Variants in RPAIN observed in about 807,000 individuals in gnomAD.
The protein encoded by RPAIN is RPA-interacting protein.
In RPAIN, 29 loss-of-function variants were observed where a neutral mutation model predicts 30.5. That is an observed-to-expected ratio of 0.95 (90% CI 0.71 to 1.30). The LOEUF (loss-of-function observed/expected upper bound fraction) is 1.30, where lower values mean the gene tolerates loss of function less well. Ranked by LOEUF, RPAIN falls within the 50% of genes most tolerant of loss-of-function variation. The probability of loss-of-function intolerance (pLI) is 0.00; values close to 1 mark genes in which losing one functional copy is unlikely to be tolerated. For missense variants in RPAIN, 247 were observed against 264.7 expected (o/e 0.93, Z 0.46); for synonymous variants, 101 against 93.5 (o/e 1.08, Z -0.46).
intron 6 of RPAIN, chr17:5,429,099 A>G (rs1225682974): frequency 1.0e-6 from 1 of 985,312 alleles, no homozygotes; most frequent in African/African-American, 1.7e-5. Flanking sequence ...AGAAATACAC[A>G]TCTCTCACAG....
At chr17:5,420,630 A>G (rs2151655975) in intron 1 of RPAIN, among the ~76,000 whole-genome samples, 1 of 151,014 alleles carries the variant, frequency 6.6e-6, no homozygotes, top group South Asian at 2.1e-4. Context: ...TTTCTATTCT[A>G]GAGAGTAGTA....
chr17:5,425,415 A>C, intron 3 of RPAIN: 1 of 443,628 alleles, frequency 2.3e-6, no homozygotes, highest in South Asian at 1.6e-5. Context: ...GGATCACTGC[A>C]ACCTCCGCCT....
At position 5,420,227 on chromosome 17, in the gene RPAIN, G is replaced by C. The variant is rs779837339; in HGVS notation, c.17G>C (p.Arg6Thr). MAESL[R>T]SPRRSLYKLV... ...GAAGAGGAGATGGCGGAGTCGTTGA[G>C]GTCTCCGCGCCGCTCCCTGTACAAA... The change falls in exon 1 of 7, where the codon AGG becomes ACG. Residue 6 changes from arginine to threonine, a missense_variant. Physicochemically the swap from Arg to Thr is moderately conservative, Grantham distance 71. Transcript: ENST00000381209. The C allele has an allele frequency of 6.2e-6, 10 of 1,613,660 alleles. No homozygotes were observed. Among genetic ancestry groups the C allele is most frequent in the Admixed American group, 1.7e-5 (1 of 60,000 alleles).
At chr17:5,425,581 C>T (rs1019520829) in intron 3 of RPAIN, 12 of 350,090 alleles carry the variant, frequency 3.4e-5, no homozygotes, top group Non-Finnish European at 3.9e-5. Context: ...AGTGATCTGC[C>T]TGCCTCAGCC....
chr17:5,428,418 C>T (rs1204763644), intron 6 of RPAIN: 12 of 1,462,534 alleles, frequency 8.2e-6, no homozygotes, highest in South Asian at 2.9e-5. Flanking sequence ...CATGGGATCA[C>T]GGCAAGAGGA....
rs1916102331 is a variant in RPAIN at position 5,432,677 on chromosome 17, CTT to C, written c.*109_*110del. ...ATTTATAACTTATTTTGTATTGAAA[CTT>C]TTAAACAATACTGAAGAAAAAAAAA... On this transcript the variant is annotated 3_prime_UTR_variant, in exon 7 of 7. Coordinates refer to ENST00000381209, the MANE Select transcript of RPAIN (RefSeq NM_001033002.4). The C allele has an allele frequency of 8.6e-7, 1 of 1,163,310 alleles. No individual in the cohort carries two copies. The highest frequency in any genetic ancestry group is 1.6e-5 in the African/African-American group (1 of 64,480). 72.1% of individuals were successfully genotyped at this position (1,163,310 alleles called of 1,614,324 possible). A position where few individuals can be genotyped will look rare whatever the true frequency, so the allele number is the denominator to read the frequency against.
At chr17:5,427,901 A>C in intron 5 of RPAIN, 170 bp from the exon 6 acceptor site, 1 of 678,780 alleles carries the variant, frequency 1.5e-6, no homozygotes, top group Non-Finnish European at 2.6e-6. Flanking sequence ...AGTTAAATGG[A>C]GATGGGTTAA....
chr17:5,421,166 A>C, intron 1 of RPAIN, 130 bp from the exon 2 acceptor site: 1 of 818,358 alleles, frequency 1.2e-6, no homozygotes, highest in East Asian at 2.7e-5. Context: ...CAAAAGTAAC[A>C]CTAGTTAGTA....
At position 5,432,703 on chromosome 17, in the gene RPAIN, A is replaced by C. The variant is rs1254340931; in HGVS notation, c.*132A>C. The C allele has an allele frequency of 1.0e-6, 1 of 972,104 alleles. No individual in the cohort carries two copies. Among genetic ancestry groups the C allele is most frequent in the Non-Finnish European group, 1.5e-6 (1 of 647,830 alleles). 60.2% of individuals were successfully genotyped at this position (972,104 alleles called of 1,614,324 possible). On this transcript the variant is annotated 3_prime_UTR_variant, in exon 7 of 7. Coordinates refer to ENST00000381209, the MANE Select transcript of RPAIN (RefSeq NM_001033002.4). ...TTTTAAACAATACTGAAGAAAAAAA[A>C]ACTTTTCCGACATCTGTTCTTGGTC...
In RPAIN at chr17:5,430,877, ATGAAAGTCCCCTTGAGTG is replaced by A. The variant is rs1157904849; in HGVS notation, c.631-1658_631-1641del. 1.9e-5 allele frequency: 3 copies of A among 156,230 alleles called. No individual in the cohort carries two copies. The East Asian group carries it at 5.7e-4, about 30-fold the overall frequency. 9.7% of individuals were successfully genotyped at this position (156,230 alleles called of 1,614,324 possible). On this transcript the variant is annotated intron_variant, in intron 6 of 6. Transcript: ENST00000381209. The stretch of plus-strand genomic sequence containing the variant: ...AGCTGGAGTCTACAGCTCCTTGAGT[ATGAAAGTCCCCTTGAGTG>A]TGAAAGACAAAATGCTGGTCGGGGG...
chr17:5,432,595 C>T lies in RPAIN; in HGVS notation c.*24C>T, dbSNP rs1357499188. The T allele has an allele frequency of 4.3e-6, 7 of 1,610,814 alleles. No individual in the cohort carries two copies. In the South Asian group the frequency reaches 7.7e-5, roughly 18 times the overall value. Reference sequence around the variant, plus strand: ...AGAGCCAGCTTGGACTCACATCATTCTATGGGGTTGAAGACAACTCATTCC... The same window carrying T: ...AGAGCCAGCTTGGACTCACATCATTTTATGGGGTTGAAGACAACTCATTCC... On this transcript the variant is annotated 3_prime_UTR_variant, in exon 7 of 7. Transcript: ENST00000381209.
intron 1 of RPAIN, among the ~76,000 whole-genome samples, chr17:5,420,735 C>G (rs1030271542): frequency 2.0e-5 from 3 of 152,132 alleles, no homozygotes; most frequent in Non-Finnish European, 2.9e-5. Context: ...TAACCCGACG[C>G]AAGAAAGATA....
At position 5,426,303 on chromosome 17, in the gene RPAIN, A is replaced by C. The variant is rs760414676; in HGVS notation, c.489+4A>C. ...TGGCCTGTCCATCCCATCTCATGTG[A>C]GTGTTCCACACACAGATTTCATGAT... On this transcript the variant is annotated splice_donor_region_variant and intron_variant, in intron 5 of 6. Coordinates refer to ENST00000381209, the MANE Select transcript of RPAIN (RefSeq NM_001033002.4). The C allele has an allele frequency of 1.2e-6, 2 of 1,608,556 alleles. No homozygotes were observed. The highest frequency in any genetic ancestry group is 1.7e-6 in the Non-Finnish European group (2 of 1,175,000).
At chr17:5,428,508 T>C in intron 6 of RPAIN, 1 of 1,385,548 alleles carries the variant, frequency 7.2e-7, no homozygotes, top group Non-Finnish European at 9.3e-7. Context: ...CAGCTGGTCA[T>C]TTCATAGTCA....
intron 5 of RPAIN, chr17:5,426,999 G>T (rs947501751): frequency 6.6e-6 from 1 of 152,148 alleles, no homozygotes; most frequent in African/African-American, 2.4e-5. Flanking sequence ...GGGACTGCAA[G>T]TTTGCCAGTT....
intron 2 of RPAIN, chr17:5,421,914 T>A (rs1238507567): frequency 6.6e-6 from 1 of 152,066 alleles, no homozygotes; most frequent in African/African-American, 2.4e-5. Flanking sequence ...GCCTCCCAAG[T>A]AGCTGGGATT....
chr17:5,421,691 C>T, intron 2 of RPAIN: 1 of 362,196 alleles, frequency 2.8e-6, no homozygotes, highest in Non-Finnish European at 4.9e-6. Flanking sequence ...GCAACATCAT[C>T]ATTTATGAAA....
chr17:5,420,322 C>T (rs1484274562), intron 1 of RPAIN, 31 bp downstream of exon 1: 10 of 1,586,278 alleles, frequency 6.3e-6, no homozygotes, highest in Non-Finnish European at 6.0e-6. Context: ...GTGGTCTACC[C>T]TAGATCGTCC....
chr17:5,421,350 C>CTGGCG lies in RPAIN; in HGVS notation c.136_137insTGGCG (p.Gln46LeufsTer17). 1 of 1,614,024 alleles carries CTGGCG rather than the reference C, an allele frequency of 6.2e-7. No individual in the cohort carries two copies. Among genetic ancestry groups the CTGGCG allele is most frequent in the Non-Finnish European group, 8.5e-7 (1 of 1,179,996 alleles). The stretch of plus-strand genomic sequence containing the variant: ...GGACAGGCTCCTAAACAGGTACCGC[C>CTGGCG]AGGCTGGAAGCAGTGGGCCAGGGAA... On this transcript the variant is annotated frameshift_variant, in exon 2 of 7. Coordinates refer to ENST00000381209, the MANE Select transcript of RPAIN (RefSeq NM_001033002.4). LOFTEE classifies it high-confidence loss of function.
Sources: gnomAD v4.1 joint callset for allele counts (sites outside exome capture counted in the v4.1 genomes callset) on GRCh38, gnomAD v4.1.1 for gene constraint, MANE v1.5 for transcripts, NCBI Gene and HGNC (gene_info 2026-07-23, HGNC 2026-07-21) for gene names.